The following LRBA variants were observed in gnomAD, a reference collection of about 807,000 sequenced individuals.
LRBA encodes the protein lipopolysaccharide-responsive and beige-like anchor protein.
Under a neutral mutation model 330.0 loss-of-function variants are expected in LRBA, and 176 were observed. The observed-to-expected ratio is 0.53, with a 90% confidence interval of 0.47 to 0.60. The LOEUF (loss-of-function observed/expected upper bound fraction) is 0.60. LRBA is among the 20% of genes least tolerant of loss of function. The probability of loss-of-function intolerance (pLI) is 0.00; values close to 1 mark genes in which losing one functional copy is unlikely to be tolerated. For missense variants in LRBA, 3,259 were observed against 3,444.8 expected (o/e 0.95, Z 1.35); for synonymous variants, 1,230 against 1,193.0 (o/e 1.03, Z -0.64).
At chr4:150,860,833 A>G (rs1458087450) in intron 22 of LRBA, among the ~76,000 whole-genome samples, 10 of 152,136 alleles carry the variant, frequency 6.6e-5, no homozygotes, top group Admixed American at 6.5e-4. Context: ...AAAAAGAAAT[A>G]TATAAACTAA....
At chr4:150,671,000 A>ATGTGTGTGTGTGTGTGTG (rs57937053) in intron 37 of LRBA, among the ~76,000 whole-genome samples, 17 of 106,824 alleles carry the variant, frequency 1.6e-4, no homozygotes, top group African/African-American at 2.3e-4. Flanking sequence ...AACATAGCTG[A>ATGTGTGTGTGTGTGTGTG]TGTGTGTGTG....
intron 53 of LRBA, among the ~76,000 whole-genome samples, chr4:150,293,828 G>A (rs980024705): frequency 7.2e-5 from 11 of 152,082 alleles, no homozygotes; most frequent in African/African-American, 2.4e-4. Context: ...CAGTCTACTC[G>A]GTGTGAAGAC....
rs1454150784 is a variant in LRBA at position 150,852,339 on chromosome 4, T to C, written c.3371A>G (p.Asn1124Ser). ...GTTATCTTGGAGCTCTGTGGGTAGA[T>C]TAGCTTCCTCAGTAGGACTGCCTTC... ...KVEGSPTEEA[N>S]LPTELQDNSL... The change falls in exon 23 of 57, where the codon AAT (asparagine) becomes AGT (serine). Residue 1124 changes from asparagine to serine, a missense_variant. By Grantham distance (46) the Asn-to-Ser change is conservative. Transcript: ENST00000651943. The C allele has an allele frequency of 1.9e-6, 3 of 1,613,972 alleles. No individual in the cohort carries two copies. The highest frequency in any genetic ancestry group is 4.5e-5 in the East Asian group (2 of 44,884).
intron 40 of LRBA, among the ~76,000 whole-genome samples, chr4:150,526,217 T>C (rs976977880): frequency 3.9e-5 from 6 of 152,208 alleles, no homozygotes; most frequent in Admixed American, 2.0e-4. Flanking sequence ...GCCAACTAAA[T>C]TCAGAATGAC....
intron 52 of LRBA, among the ~76,000 whole-genome samples, chr4:150,303,156 A>G (rs564829616): frequency 8.5e-5 from 13 of 152,294 alleles, no homozygotes; most frequent in African/African-American, 2.6e-4. Context: ...TTCTTGAGTT[A>G]CTCTATATGA....
At position 150,908,404 on chromosome 4, in the gene LRBA, C is replaced by T; in HGVS notation, c.1423G>A (p.Val475Ile). ...SAMHSIGGVQ[V>I]LFPLFAQLDY... is the part of the protein sequence containing the mutation. Reference sequence around the variant, plus strand: ...AACTGTGCAAAAAGTGGAAATAGTACTTGTACTCCTCCAATTGAATGCATT... The same window carrying T: ...AACTGTGCAAAAAGTGGAAATAGTATTTGTACTCCTCCAATTGAATGCATT... Residue 475 changes from valine (V) to isoleucine (I), a missense_variant, in exon 11 of 57, where the codon GTA (valine) becomes ATA (isoleucine). Coordinates refer to ENST00000651943, the MANE Select transcript of LRBA (RefSeq NM_001364905.1). 2 of 1,610,614 alleles carry T rather than the reference C, an allele frequency of 1.2e-6. No homozygotes were observed. Among genetic ancestry groups the T allele is most frequent in the Non-Finnish European group, 1.7e-6 (2 of 1,179,030 alleles).
intron 56 of LRBA, among the ~76,000 whole-genome samples, chr4:150,268,496 A>G (rs1366554992): frequency 5.3e-5 from 8 of 152,246 alleles, no homozygotes; most frequent in African/African-American, 1.9e-4. Flanking sequence ...CACACAGACC[A>G]GGATACAAAA....
intron 34 of LRBA, among the ~76,000 whole-genome samples, chr4:150,766,266 T>C (rs1033824067): frequency 3.9e-5 from 6 of 152,028 alleles, no homozygotes; most frequent in Non-Finnish European, 5.9e-5. Flanking sequence ...CTCAGGAATA[T>C]CCTTATGTTT....
At chr4:150,468,550 G>A (rs931800462) in intron 43 of LRBA, among the ~76,000 whole-genome samples, 4 of 151,984 alleles carry the variant, frequency 2.6e-5, no homozygotes, top group African/African-American at 7.2e-5. Flanking sequence ...GTAGCATAGT[G>A]GGTGAGATCA....
At chr4:150,441,269 T>C (rs902492320) in intron 44 of LRBA, among the ~76,000 whole-genome samples, 2 of 152,064 alleles carry the variant, frequency 1.3e-5, no homozygotes, top group African/African-American at 2.4e-5. Flanking sequence ...TAAGAACATA[T>C]AGTACTGTGG....
intron 2 of LRBA, among the ~76,000 whole-genome samples, chr4:151,004,381 A>G (rs1420915757): frequency 6.6e-6 from 1 of 152,182 alleles, no homozygotes; most frequent in African/African-American, 2.4e-5. Context: ...CTGATAACGG[A>G]GACGGCAACT....
chr4:150,373,172 T>TGTGTGTGA (rs1283762385), intron 47 of LRBA, among the ~76,000 whole-genome samples: 54 of 97,502 alleles, frequency 5.5e-4, no homozygotes, highest in East Asian at 3.7e-3. Context: ...TGTGTGTGTG[T>TGTGTGTGA]GAGAGAGAGA....
chr4:150,773,700 C>T (rs1736887326), intron 34 of LRBA, among the ~76,000 whole-genome samples: 1 of 152,178 alleles, frequency 6.6e-6, no homozygotes, highest in Non-Finnish European at 1.5e-5. Flanking sequence ...CATAATAACC[C>T]TCACTCAATA....
rs780702515 is a variant in LRBA at position 150,583,905 on chromosome 4, C to A, written c.6330+4143G>T. 5.6e-6 allele frequency: 9 copies of A among 1,612,746 alleles called. No individual in the cohort carries two copies. The highest frequency in any genetic ancestry group is 7.6e-6 in the Non-Finnish European group (9 of 1,179,308). On this transcript the variant is annotated intron_variant, in intron 40 of 56. Coordinates refer to ENST00000651943, the MANE Select transcript of LRBA (RefSeq NM_001364905.1). This position sits in a 1 kb window ranked among gnomAD's most constrained non-coding sequence, Gnocchi z 9.8. ...AACACCCACGAGAAACGGACTGGGA[C>A]GAGTCGTGCCTGGGCGACCGGCTCA...
intron 28 of LRBA, among the ~76,000 whole-genome samples, chr4:150,833,306 T>A (rs185796470): frequency 6.6e-5 from 10 of 151,846 alleles, no homozygotes; most frequent in Admixed American, 6.6e-4. Context: ...CCCAAATATG[T>A]TTGAACTTGT....
At chr4:150,786,433 G>A (rs1223479684) in intron 34 of LRBA, among the ~76,000 whole-genome samples, 4 of 151,788 alleles carry the variant, frequency 2.6e-5, no homozygotes, top group African/African-American at 7.3e-5. Context: ...TAGTAGAGAC[G>A]GGGTTTTGCC....
chr4:150,620,185 C>T (rs530300857), intron 37 of LRBA, among the ~76,000 whole-genome samples: 40 of 152,022 alleles, frequency 2.6e-4, no homozygotes, highest in African/African-American at 9.4e-4. Context: ...ATACAAATGG[C>T]CAACAAACAT....
chr4:150,285,960 G>C lies in LRBA; in HGVS notation c.8092C>G (p.Leu2698Val). Residue 2698 changes from leucine to valine, a missense_variant, in exon 54 of 57, where the codon CTA becomes GTA. Coordinates refer to ENST00000651943, the MANE Select transcript of LRBA (RefSeq NM_001364905.1). ...TGTGAACCACTCAACACCAGGCCTA[G>C]CTCCGCACACACCGCAGCACATGTG... ...EVTCAAVCAE[L>V]GLVLSGSQEG... 6.3e-7 allele frequency: 1 copy of C among 1,596,364 alleles called. No individual in the cohort carries two copies. Among genetic ancestry groups the C allele is most frequent in the Non-Finnish European group, 8.5e-7 (1 of 1,172,238 alleles).
intron 46 of LRBA, among the ~76,000 whole-genome samples, chr4:150,418,760 A>C (rs949797645): frequency 1.3e-5 from 2 of 152,150 alleles, no homozygotes; most frequent in African/African-American, 4.8e-5. Flanking sequence ...TTTCTCAAGA[A>C]CATTTGCAGG....
Sources: gnomAD v4.1 joint callset for allele counts (sites outside exome capture counted in the v4.1 genomes callset) on GRCh38, gnomAD v4.1.1 for gene constraint, Gnocchi (gnomAD v3.1) non-coding constraint, MANE v1.5 for transcripts, NCBI Gene and HGNC (gene_info 2026-07-23, HGNC 2026-07-21) for gene names.